The following NECAB2 variants were observed in gnomAD, a reference collection of about 807,000 sequenced individuals.
NECAB2 encodes the protein N-terminal EF-hand calcium binding protein 2, also known as N-terminal EF-hand calcium-binding protein 2.
NECAB2 carries 68 observed loss-of-function variants against 51.9 expected under a neutral mutation model. That is an observed-to-expected ratio of 1.31 (90% CI 1.08 to 1.60). The LOEUF (loss-of-function observed/expected upper bound fraction) is 1.60. Among genes scored for constraint, NECAB2 ranks in the 40% most tolerant of loss-of-function variants. The probability of loss-of-function intolerance (pLI) is 0.00; values close to 1 mark genes in which losing one functional copy is unlikely to be tolerated. For synonymous variants in NECAB2, 329 were observed against 203.5 expected (o/e 1.62, Z -5.25); for missense variants, 854 against 490.3 (o/e 1.74, Z -7.00).
intron 2 of NECAB2, among the ~76,000 whole-genome samples, chr16:83,977,282 G>A (rs1338777979): frequency 3.3e-5 from 5 of 152,126 alleles, no homozygotes; most frequent in Admixed American, 6.5e-5. Context: ...TTTCTCTTAA[G>A]GAGGAACAGA....
intron 2 of NECAB2, among the ~76,000 whole-genome samples, chr16:83,978,014 A>AAT (rs1323275355): frequency 6.6e-6 from 1 of 152,194 alleles, no homozygotes; most frequent in African/African-American, 2.4e-5. Flanking sequence ...GGTTATCTTA[A>AAT]ATAGCACCTG....
chr16:83,986,789 C>T (rs1597211248), intron 5 of NECAB2, among the ~76,000 whole-genome samples: 1 of 151,472 alleles, frequency 6.6e-6, no homozygotes, highest in East Asian at 1.9e-4. Flanking sequence ...TGTCCAAGTG[C>T]TGGGATTACA....
intron 9 of NECAB2, 63 bp downstream of exon 9, chr16:83,997,332 T>C: frequency 6.2e-7 from 1 of 1,604,030 alleles, no homozygotes; most frequent in Admixed American, 1.7e-5. Flanking sequence ...ACTGCCAAGA[T>C]CCAAGTGGCT....
chr16:83,991,457 C>G (rs531754477), intron 6 of NECAB2, among the ~76,000 whole-genome samples: 41 of 150,598 alleles, frequency 2.7e-4, no homozygotes, highest in African/African-American at 9.3e-4. Flanking sequence ...ACGTCCGCCT[C>G]CCAGGTTCAA....
Position 83,981,142 on chromosome 16 carries a change from G to A in NECAB2, c.459+15G>A. ...ATACCAAGAAGGTCAGTGGGTGTAG[G>A]TGGCCCCCGGGGTCCAGGGCTCCAG... On this transcript the variant is annotated intron_variant, in intron 5 of 12. Coordinates refer to ENST00000305202, the MANE Select transcript of NECAB2 (RefSeq NM_019065.3). 1.3e-6 allele frequency: 2 copies of A among 1,576,360 alleles called. No individual in the cohort carries two copies. Among genetic ancestry groups the A allele is most frequent in the Non-Finnish European group, 1.7e-6 (2 of 1,160,676 alleles).
intron 11 of NECAB2, among the ~76,000 whole-genome samples, chr16:84,001,009 G>T (rs769877101): frequency 1.3e-5 from 2 of 152,054 alleles, no homozygotes; most frequent in African/African-American, 4.8e-5. Flanking sequence ...ACCACACTCA[G>T]CTGGGCTTTC....
At chr16:84,001,109 C>A (rs1042172962) in intron 11 of NECAB2, among the ~76,000 whole-genome samples, 3 of 152,108 alleles carry the variant, frequency 2.0e-5, no homozygotes, top group African/African-American at 4.8e-5. Flanking sequence ...TCTTTACCAC[C>A]CTGTAGAGTT....
intron 3 of NECAB2, among the ~76,000 whole-genome samples, chr16:83,980,355 C>G (rs576469316): frequency 4.4e-4 from 67 of 152,270 alleles, no homozygotes; most frequent in Admixed American, 3.9e-4. Flanking sequence ...AGGACAGGAC[C>G]CTTCTCCAGG....
chr16:83,970,677 T>G (rs999896), intron 1 of NECAB2, among the ~76,000 whole-genome samples: 14,748 of 152,196 alleles, frequency 0.097, 1,165 homozygotes, highest in African/African-American at 0.22. Flanking sequence ...CAGCCCTCCC[T>G]GGTGTCGGGA....
intron 5 of NECAB2, among the ~76,000 whole-genome samples, chr16:83,981,810 C>T (rs1256677107): frequency 6.6e-6 from 1 of 152,152 alleles, no homozygotes; most frequent in Non-Finnish European, 1.5e-5. Context: ...CTGGTCCAGG[C>T]CCACGGTGAG....
chr16:83,971,835 C>T (rs942015973), intron 1 of NECAB2: 13 of 529,946 alleles, frequency 2.5e-5, no homozygotes, highest in Admixed American at 9.8e-5. Flanking sequence ...GGTGAAGCCA[C>T]GTGGACTGAT....
chr16:84,001,737 T>G, intron 11 of NECAB2, 88 bp from the exon 12 acceptor site: 4 of 1,409,820 alleles, frequency 2.8e-6, no homozygotes, highest in African/African-American at 1.5e-5. Context: ...AAGCTCCCCA[T>G]TTTGGGCTAG....
At chr16:83,995,553 C>G (rs9940291) in intron 8 of NECAB2, among the ~76,000 whole-genome samples, 15,882 of 152,254 alleles carry the variant, frequency 0.1, 1,608 homozygotes, top group African/African-American at 0.27. Context: ...AACCTATCCA[C>G]ATGCACACAG....
At chr16:84,000,320 A>G (rs1373264937) in intron 10 of NECAB2, among the ~76,000 whole-genome samples, 1 of 150,280 alleles carries the variant, frequency 6.7e-6, no homozygotes, top group East Asian at 1.9e-4. Context: ...GCCTGAGCCC[A>G]GGAGTTAAAG....
At position 83,968,325 on chromosome 16, in the gene NECAB2, G is replaced by A. The variant is rs1041306155; in HGVS notation, c.-324G>A. ...CTTTTGGGGAGCAGGCCCCAGGGGC[G>A]CCGCCCCGCCCCCAGGCCCCACATA... On this transcript the variant is annotated 5_prime_UTR_variant, in exon 1 of 13. Coordinates refer to ENST00000305202, the MANE Select transcript of NECAB2 (RefSeq NM_019065.3). Among the ~76,000 whole-genome samples the A allele has an allele frequency of 2.6e-5, 4 of 151,216 alleles. No individual in the cohort carries two copies. The South Asian group carries it at 8.3e-4, about 31-fold the overall frequency.
At chr16:83,986,472 A>G (rs1056633074) in intron 5 of NECAB2, among the ~76,000 whole-genome samples, 1 of 152,172 alleles carries the variant, frequency 6.6e-6, no homozygotes, top group Non-Finnish European at 1.5e-5. Context: ...CAGGGCAACA[A>G]CCAATTGCCC....
At chr16:83,992,948 C>T (rs952090116) in intron 6 of NECAB2, among the ~76,000 whole-genome samples, 10 of 152,152 alleles carry the variant, frequency 6.6e-5, no homozygotes, top group Admixed American at 1.3e-4. Flanking sequence ...AGTATGGCTG[C>T]GCAGTTTTCA....
At chr16:83,974,410 C>T (rs889634) in intron 2 of NECAB2, among the ~76,000 whole-genome samples, 9 of 152,146 alleles carry the variant, frequency 5.9e-5, no homozygotes, top group Middle Eastern at 6.8e-3. Context: ...AATAAGTCCC[C>T]GCTGCTCTGC....
chr16:83,980,336 C>G (rs556536019), intron 3 of NECAB2, among the ~76,000 whole-genome samples: 1 of 152,264 alleles, frequency 6.6e-6, no homozygotes, highest in African/African-American at 2.4e-5. Context: ...CAGCCTGCTC[C>G]CCCAAGAAAG....
Sources: allele counts gnomAD v4.1 joint callset (sites outside exome capture counted in the v4.1 genomes callset), GRCh38; gene constraint gnomAD v4.1.1; transcripts MANE v1.5; gene names NCBI Gene and HGNC (gene_info 2026-07-23, HGNC 2026-07-21).